The following TBL1XR1 variants were observed in gnomAD, a reference collection of about 807,000 sequenced individuals.
The protein encoded by TBL1XR1 is F-box-like/WD repeat-containing protein TBL1XR1.
TBL1XR1 carries 5 observed loss-of-function variants against 66.9 expected under a neutral mutation model. The observed-to-expected ratio is 0.07, with a 90% CI of 0.04 to 0.16. The LOEUF is 0.16. Ranked by LOEUF, TBL1XR1 falls within the 10% of genes least tolerant of loss-of-function variation. The pLI is 1.00. For synonymous variants in TBL1XR1, 210 were observed against 206.0 expected (o/e 1.02, Z -0.17); for missense variants, 238 against 623.2 (o/e 0.38, Z 6.58).
At chr3:177,108,921 C>T (rs188759594) in intron 1 of TBL1XR1, among the ~76,000 whole-genome samples, 4 of 152,088 alleles carry the variant, frequency 2.6e-5, no homozygotes, top group African/African-American at 9.6e-5. Flanking sequence ...CACCAAGCAG[C>T]GATGAGAAGA....
At chr3:177,193,139 C>A (rs1442690197) in intron 1 of TBL1XR1, among the ~76,000 whole-genome samples, 1 of 150,550 alleles carries the variant, frequency 6.6e-6, no homozygotes, top group Admixed American at 6.6e-5. Context: ...GGCAACAGAG[C>A]GAAACTCCGT....
intron 2 of TBL1XR1, chr3:177,091,287 T>C (rs1325191519): frequency 6.6e-6 from 1 of 152,142 alleles, no homozygotes; most frequent in Non-Finnish European, 1.5e-5. Flanking sequence ...ATTATGTTTA[T>C]TTTCTACATT....
At chr3:177,174,937 G>C (rs1457138188) in intron 1 of TBL1XR1, among the ~76,000 whole-genome samples, 1 of 152,144 alleles carries the variant, frequency 6.6e-6, no homozygotes, top group Non-Finnish European at 1.5e-5. Context: ...TATGAGCCCT[G>C]CTTACCAATT....
chr3:177,068,784 G>GA lies in TBL1XR1; in HGVS notation c.-45-3763dup, dbSNP rs527492176. On this transcript the variant is annotated intron_variant, in intron 2 of 15. Coordinates refer to ENST00000457928, the MANE Select transcript of TBL1XR1 (RefSeq NM_024665.7). The stretch of plus-strand genomic sequence containing the variant: ...TACATAATTTTAAATCTAGATGACT[G>GA]AAAAAAACAGTGAAAGAGTTATGGA... Among the ~76,000 whole-genome samples, 668 of 151,888 alleles carry GA rather than the reference G, an allele frequency of 4.4e-3. 4 individuals carry two copies. The highest frequency in any genetic ancestry group is 0.015 in the African/African-American group (623 of 41,444).
At chr3:177,159,443 T>C (rs147609285) in intron 1 of TBL1XR1, among the ~76,000 whole-genome samples, 296 of 152,264 alleles carry the variant, frequency 1.9e-3, no homozygotes, top group African/African-American at 6.6e-3. Flanking sequence ...AGAAATACTA[T>C]AGAAAAGTCA....
intron 1 of TBL1XR1, among the ~76,000 whole-genome samples, chr3:177,153,816 G>A (rs1054138343): frequency 1.3e-5 from 2 of 149,388 alleles, no homozygotes; most frequent in Admixed American, 1.3e-4. Flanking sequence ...GGCGGAGGTT[G>A]CAGTGAGCCA....
chr3:177,112,099 ATATATATAT>A lies in TBL1XR1; in HGVS notation c.-121-13567_-121-13559del, dbSNP rs1296579589. Among the ~76,000 whole-genome samples, 103 of 49,196 alleles carry A rather than the reference ATATATATAT, an allele frequency of 2.1e-3. 1 individual carries two copies. The highest frequency in any genetic ancestry group is 3.1e-3 in the African/African-American group (24 of 7,800). The allele number at this position is 49,196 out of a possible 152,430, so 32.3% of individuals were successfully genotyped here. Reference sequence around the variant, plus strand: ...AATATATATATATATATATATATATATATATATATTTTTTTTTTTTTTTTTTGTGAGGGG... The same window carrying A: ...AATATATATATATATATATATATATATTTTTTTTTTTTTTTTTGTGAGGGG... On this transcript the variant is annotated intron_variant, in intron 1 of 15. Transcript: ENST00000457928.
chr3:177,084,964 T>C (rs1188504612), intron 2 of TBL1XR1, among the ~76,000 whole-genome samples: 1 of 152,220 alleles, frequency 6.6e-6, no homozygotes, highest in Non-Finnish European at 1.5e-5. Context: ...TCTCTACTAT[T>C]CTTCTGAGCA....
chr3:177,129,511 G>A (rs1728034282), intron 1 of TBL1XR1, among the ~76,000 whole-genome samples: 1 of 152,156 alleles, frequency 6.6e-6, no homozygotes, highest in South Asian at 2.1e-4. Flanking sequence ...AGCACACACT[G>A]TATGTTTATA....
chr3:177,105,241 C>T (rs1353365881), intron 1 of TBL1XR1, among the ~76,000 whole-genome samples: 10 of 152,164 alleles, frequency 6.6e-5, no homozygotes, highest in Non-Finnish European at 8.8e-5. Flanking sequence ...GTGTAACTTA[C>T]AGTGCCTTTG....
intron 2 of TBL1XR1, among the ~76,000 whole-genome samples, chr3:177,093,644 A>T (rs1037657195): frequency 6.6e-6 from 1 of 152,242 alleles, no homozygotes; most frequent in Admixed American, 6.5e-5. Flanking sequence ...AATGGAACAG[A>T]ACAGAGAACC....
At chr3:177,029,299 A>G (rs1713601996) in intron 14 of TBL1XR1, among the ~76,000 whole-genome samples, 1 of 152,112 alleles carries the variant, frequency 6.6e-6, no homozygotes, top group South Asian at 2.1e-4. Context: ...AGAAAGATAA[A>G]TACATCTAAA....
At chr3:177,192,200 A>G (rs1736234144) in intron 1 of TBL1XR1, among the ~76,000 whole-genome samples, 1 of 152,064 alleles carries the variant, frequency 6.6e-6, no homozygotes. Flanking sequence ...GATGGAGACC[A>G]CATGGTGAAA....
rs541524401 is a variant in TBL1XR1, at chr3:177,065,592, T to C, written c.-45-570A>G. ...TGGAATACAGTTCCCAAAACTCAAA[T>C]GATGCTTTCTTACTGGACATACTTA... On this transcript the variant is annotated intron_variant, in intron 2 of 15. Transcript: ENST00000457928. Among the ~76,000 whole-genome samples the C allele has an allele frequency of 1.1e-3, 170 of 152,280 alleles. 2 individuals carry two copies. The highest frequency in any genetic ancestry group is 4.0e-3 in the African/African-American group (165 of 41,556).
At chr3:177,065,917 C>T (rs116699200) in intron 2 of TBL1XR1, among the ~76,000 whole-genome samples, 1 of 152,040 alleles carries the variant, frequency 6.6e-6, no homozygotes, top group Non-Finnish European at 1.5e-5. Context: ...ATCATTGTAT[C>T]ATAAAGTATT....
In TBL1XR1 at chr3:177,178,229, T is replaced by A. The variant is rs114296090; in HGVS notation, c.-122+18892A>T. ...AGAGTTTGGGGAGGAGGGACCCTCATAGGCTAAGATGTTTGAACTTTATAC... is the reference window on the plus strand; with the variant it reads ...AGAGTTTGGGGAGGAGGGACCCTCAAAGGCTAAGATGTTTGAACTTTATAC... On this transcript the variant is annotated intron_variant, in intron 1 of 15. Transcript: ENST00000457928. 8.6e-3 allele frequency among the ~76,000 whole-genome samples: 1,310 copies of A among 152,246 alleles called. 20 individuals carry two copies. Among genetic ancestry groups the A allele is most frequent in the African/African-American group, 0.03 (1,257 of 41,548 alleles).
chr3:177,177,435 G>T (rs1199059242), intron 1 of TBL1XR1, among the ~76,000 whole-genome samples: 1 of 152,072 alleles, frequency 6.6e-6, no homozygotes, highest in Non-Finnish European at 1.5e-5. Flanking sequence ...AGGCGACAGA[G>T]CAAGACTCCA....
At chr3:177,174,533 T>C (rs1170136173) in intron 1 of TBL1XR1, among the ~76,000 whole-genome samples, 1 of 151,704 alleles carries the variant, frequency 6.6e-6, no homozygotes, top group Non-Finnish European at 1.5e-5. Flanking sequence ...AGCAAATTAA[T>C]TCCCCATCCC....
Position 177,160,238 on chromosome 3 carries a change from C to T in TBL1XR1, c.-122+36883G>A, listed in dbSNP as rs534492185. 8.5e-5 allele frequency among the ~76,000 whole-genome samples: 13 copies of T among 152,048 alleles called. No homozygotes were observed. The Middle Eastern group carries it at 0.01, about 119-fold the overall frequency. On this transcript the variant is annotated intron_variant, in intron 1 of 15. Transcript: ENST00000457928. ...CTGTAATCCCAGCACTTTGGGAGGA[C>T]GTCATGGTAGTGCATCATGACGTCA...
Sources: allele counts gnomAD v4.1 joint callset (sites outside exome capture counted in the v4.1 genomes callset), GRCh38; gene constraint gnomAD v4.1.1; transcripts MANE v1.5; gene names NCBI Gene and HGNC (gene_info 2026-07-23, HGNC 2026-07-21).